Variants in ZBTB25 observed in about 807,000 individuals in gnomAD.
The protein encoded by ZBTB25 is zinc finger and BTB domain-containing protein 25.
ZBTB25 carries 20 observed loss-of-function variants against 34.2 expected under a neutral mutation model. The ratio of observed to expected loss-of-function variants is 0.58; its 90% CI spans 0.41 to 0.85. The LOEUF (loss-of-function observed/expected upper bound fraction) is 0.85. ZBTB25 is among the 40% of genes least tolerant of loss of function. The pLI is 0.00. For missense variants in ZBTB25, 437 were observed against 521.8 expected (o/e 0.84, Z 1.58); for synonymous variants, 175 against 186.4 (o/e 0.94, Z 0.50).
At chr14:64,496,079 T>A (rs2079265957) in intron 1 of ZBTB25, among the ~76,000 whole-genome samples, 1 of 152,200 alleles carries the variant, frequency 6.6e-6, no homozygotes, top group Non-Finnish European at 1.5e-5. Flanking sequence ...AAGCAATTTA[T>A]TAGAAAATAA....
At chr14:64,495,788 C>G (rs1468918282) in intron 1 of ZBTB25, among the ~76,000 whole-genome samples, 2 of 152,028 alleles carry the variant, frequency 1.3e-5, no homozygotes. Context: ...GAAACCCCAT[C>G]TCTACTAAAA....
intron 2 of ZBTB25, chr14:64,472,250 G>T (rs953502046): frequency 1.2e-5 from 2 of 167,072 alleles, no homozygotes. Flanking sequence ...CCTGACTAAG[G>T]TTGGTGCATT....
At chr14:64,457,898 G>A (rs1018328497) in intron 2 of ZBTB25, 1 of 422,972 alleles carries the variant, frequency 2.4e-6, no homozygotes, top group East Asian at 4.3e-5. Flanking sequence ...TGAAAGTAAA[G>A]ATGACTTTAC....
rs779871054 is a variant in ZBTB25 at position 64,458,335 on chromosome 14, C to G, written c.174-8697G>C. ...AAGTTGTTACTGGGTAATAATTTGG[C>G]TTTTTTCCTCATGTAGCTTATTTAT... On this transcript the variant is annotated intron_variant, in intron 2 of 2. Transcript: ENST00000555220. The G allele has an allele frequency of 8.4e-6, 12 of 1,421,922 alleles. No individual in the cohort carries two copies. In the Admixed American group the frequency reaches 1.3e-4, roughly 16 times the overall value. The allele number at this position is 1,421,922 out of a possible 1,614,324, so 88.1% of individuals were successfully genotyped here. A position where few individuals can be genotyped will look rare whatever the true frequency, so the allele number is the denominator to read the frequency against.
chr14:64,465,149 T>C (rs774057902), intron 2 of ZBTB25, among the ~76,000 whole-genome samples: 3 of 152,188 alleles, frequency 2.0e-5, no homozygotes, highest in Non-Finnish European at 2.9e-5. Context: ...TGCGACTGTC[T>C]ATAATTTGAA....
intron 1 of ZBTB25, among the ~76,000 whole-genome samples, chr14:64,491,611 A>G (rs1317763455): frequency 1.3e-5 from 2 of 152,272 alleles, no homozygotes; most frequent in African/African-American, 4.8e-5. Context: ...AATTCTGGCC[A>G]AGAAGCCGAG....
chr14:64,481,781 CA>C lies in ZBTB25; in HGVS notation c.*5141del, dbSNP rs2078797325. Reference sequence around the variant, plus strand: ...CCAGTTTTCAAAATGTCCAACCATACAAACACAGAAGTACAGCAGAGAGAAA... The same window carrying C: ...CCAGTTTTCAAAATGTCCAACCATACAACACAGAAGTACAGCAGAGAGAAA... On this transcript the variant is annotated 3_prime_UTR_variant, in exon 3 of 3. Transcript: ENST00000608382. 1 of 152,212 alleles carries C rather than the reference CA, an allele frequency of 6.6e-6. No homozygotes were observed. Among genetic ancestry groups the C allele is most frequent in the Admixed American group, 6.5e-5 (1 of 15,286 alleles). The allele number at this position is 152,212 out of a possible 1,614,324, so 9.4% of individuals were successfully genotyped here. A position where few individuals can be genotyped will look rare whatever the true frequency, so the allele number is the denominator to read the frequency against.
In ZBTB25 at chr14:64,486,983, C is replaced by T; in HGVS notation, c.1248G>A (p.Leu416=). The T allele has an allele frequency of 6.2e-7, 1 of 1,614,126 alleles. No homozygotes were observed. Among genetic ancestry groups the T allele is most frequent in the Non-Finnish European group, 8.5e-7 (1 of 1,180,016 alleles). The change falls in exon 3 of 3, where the codon TTG becomes TTA. Residue 416 remains leucine, a synonymous_variant. Coordinates refer to ENST00000608382, the MANE Select transcript of ZBTB25 (RefSeq NM_006977.5). ...TGAGCTCTGACTCTAAGGCACAAGGCAAGTCTAAGTGTTCTTGTGACAAGC... is the reference window on the plus strand; with the variant it reads ...TGAGCTCTGACTCTAAGGCACAAGGTAAGTCTAAGTGTTCTTGTGACAAGC... ...SSRLSQEHLD[L]PCALESELTQ...
rs562833361 is a variant in ZBTB25, at chr14:64,486,227, G to C, written c.*696C>G. On this transcript the variant is annotated 3_prime_UTR_variant, in exon 3 of 3. Coordinates refer to ENST00000608382, the MANE Select transcript of ZBTB25 (RefSeq NM_006977.5). ...TGAGGCAGGAGAATGGCGTGAACCCGGGAGGCGGAGCTTGCAGTCAGCCGA... is the reference window on the plus strand; with the variant it reads ...TGAGGCAGGAGAATGGCGTGAACCCCGGAGGCGGAGCTTGCAGTCAGCCGA... 1 of 876,986 alleles carries C rather than the reference G, an allele frequency of 1.1e-6. No individual in the cohort carries two copies. 54.3% of individuals were successfully genotyped at this position (876,986 alleles called of 1,614,324 possible).
intron 1 of ZBTB25, among the ~76,000 whole-genome samples, chr14:64,491,407 A>G (rs1382256341): frequency 6.6e-6 from 1 of 152,166 alleles, no homozygotes; most frequent in East Asian, 1.9e-4. Flanking sequence ...TCAAGGCTGC[A>G]GTGAGCTGTG....
chr14:64,452,756 A>G (rs1343105883), intron 2 of ZBTB25, among the ~76,000 whole-genome samples: 3 of 152,232 alleles, frequency 2.0e-5, no homozygotes, highest in African/African-American at 4.8e-5. Context: ...CCTCTCATAT[A>G]CAGACTGGGA....
intron 1 of ZBTB25, chr14:64,502,561 C>A: frequency 1.3e-5 from 11 of 874,934 alleles, no homozygotes; most frequent in Non-Finnish European, 1.5e-5. Flanking sequence ...ACACCATAGG[C>A]GGCCTACCTC....
At chr14:64,466,763 C>T (rs2078616962) in intron 2 of ZBTB25, among the ~76,000 whole-genome samples, 1 of 152,156 alleles carries the variant, frequency 6.6e-6, no homozygotes, top group Non-Finnish European at 1.5e-5. Flanking sequence ...GAAGGATTTA[C>T]ATAAAAACAA....
At chr14:64,458,147 C>T in intron 2 of ZBTB25, 1 of 1,273,544 alleles carries the variant, frequency 7.9e-7, no homozygotes, top group Non-Finnish European at 1.2e-6. Flanking sequence ...CCACCTCAGC[C>T]TGGGATTATA....
At chr14:64,490,749 C>G (rs1001714296) in intron 1 of ZBTB25, among the ~76,000 whole-genome samples, 2 of 152,158 alleles carry the variant, frequency 1.3e-5, no homozygotes, top group African/African-American at 4.8e-5. Context: ...CTGATATAAA[C>G]TCTGCTGAAC....
chr14:64,462,978 T>G (rs1244077444), intron 2 of ZBTB25: 2 of 152,144 alleles, frequency 1.3e-5, no homozygotes, highest in African/African-American at 2.4e-5. Context: ...AGAGTATTGC[T>G]CAGATAAATA....
At chr14:64,502,912 T>C in intron 1 of ZBTB25, 2 of 985,438 alleles carry the variant, frequency 2.0e-6, no homozygotes, top group Non-Finnish European at 2.4e-6. Context: ...TGACAGAATC[T>C]TGTGAGAGGA....
intron 2 of ZBTB25, chr14:64,457,861 C>A (rs1009722511): frequency 2.8e-6 from 1 of 354,994 alleles, no homozygotes. Context: ...TATCTTTATG[C>A]CTTGGGCTTT....
intron 1 of ZBTB25, among the ~76,000 whole-genome samples, chr14:64,500,907 C>T (rs965114450): frequency 2.6e-4 from 39 of 151,902 alleles, no homozygotes; most frequent in South Asian, 6.2e-4. Flanking sequence ...AAAAATTAGC[C>T]AGGTGTGGTG....
Sources: gnomAD v4.1 joint callset for allele counts (sites outside exome capture counted in the v4.1 genomes callset) on GRCh38, gnomAD v4.1.1 for gene constraint, MANE v1.5 for transcripts, NCBI Gene and HGNC (gene_info 2026-07-23, HGNC 2026-07-21) for gene names.